STRA8: variants seen among roughly 807,000 people sequenced by gnomAD.
STRA8 encodes stimulated by retinoic acid 8.
A neutral mutation model predicts 37.1 loss-of-function variants in STRA8; 18 were observed. The observed-to-expected ratio is 0.48, with a 90% CI of 0.34 to 0.72. The LOEUF (loss-of-function observed/expected upper bound fraction) is 0.72. STRA8 is among the 30% of genes least tolerant of loss of function. The pLI, the probability that STRA8 is intolerant of heterozygous loss-of-function variation, is 0.01. For synonymous variants in STRA8, 168 were observed against 162.9 expected, an observed-to-expected ratio of 1.03 and a Z score of -0.24; for missense variants, 357 against 410.4, an observed-to-expected ratio of 0.87 and a Z score of 1.13.
rs75880859 is a variant in STRA8, at chr7:135,242,906, G to C, written c.268+50G>C. ...CCATCTCCCTCCCTGGAGAAAACTGGATCTGTTTTTCTATTGAAAACAGAA... is the reference window on the plus strand; with the variant it reads ...CCATCTCCCTCCCTGGAGAAAACTGCATCTGTTTTTCTATTGAAAACAGAA... On this transcript the variant is annotated intron_variant, in intron 3 of 8. Coordinates refer to ENST00000662584, the MANE Select transcript of STRA8 (RefSeq NM_001394401.1). The C allele has an allele frequency of 7.1e-5, 112 of 1,578,658 alleles. No individual in the cohort carries two copies. In the East Asian group the frequency reaches 2.2e-3, roughly 32 times the overall value.
At chr7:135,255,082 AT>A in intron 7 of STRA8, 31 bp from the exon 8 acceptor site, 1 of 1,544,012 alleles carries the variant, frequency 6.5e-7, no homozygotes, top group East Asian at 2.2e-5. Context: ...GATCCTGAAT[AT>A]TTGTTGCCTT....
chr7:135,258,336 G>A (rs375898114), intron 8 of STRA8, 82 bp from the exon 9 acceptor site: 42 of 1,153,390 alleles, frequency 3.6e-5, no homozygotes, highest in Non-Finnish European at 4.8e-5. Flanking sequence ...TGGGCACACC[G>A]GAGATGCAGG....
chr7:135,252,211 T>G (rs1405243244), intron 7 of STRA8, among the ~76,000 whole-genome samples: 1 of 152,112 alleles, frequency 6.6e-6, no homozygotes, highest in Non-Finnish European at 1.5e-5. Context: ...GAGGCATGGC[T>G]GGGGAAACTT....
chr7:135,251,973 A>C, intron 7 of STRA8, 104 bp downstream of exon 7: 1 of 840,078 alleles, frequency 1.2e-6, no homozygotes, highest in Non-Finnish European at 1.8e-6. Flanking sequence ...TGAATGTGGT[A>C]AGTCAGAGAC....
rs1457128949 is a variant in STRA8 at position 135,240,553 on chromosome 7, C to T, written c.29C>T (p.Pro10Leu). 3.1e-6 allele frequency: 5 copies of T among 1,614,176 alleles called. No homozygotes were observed. The highest frequency in any genetic ancestry group is 4.2e-6 in the Non-Finnish European group (5 of 1,180,030). Residue 10 changes from proline to leucine, a missense_variant, in exon 2 of 9, where the codon CCC (proline) becomes CTC (leucine). Transcript: ENST00000662584. The part of the protein sequence containing the change: MATPEENSN[P>L]HDRATPQLPA... ...GCAACCCCTGAAGAAAACAGCAATCCCCATGACAGAGCAACACCCCAGCTG... is the reference window on the plus strand; with the variant it reads ...GCAACCCCTGAAGAAAACAGCAATCTCCATGACAGAGCAACACCCCAGCTG...
chr7:135,256,641 CA>C (rs1562975120), intron 8 of STRA8, among the ~76,000 whole-genome samples: 2 of 152,062 alleles, frequency 1.3e-5, no homozygotes, highest in Non-Finnish European at 2.9e-5. Flanking sequence ...CTCACCACTA[CA>C]AAAAATATAA....
Position 135,246,391 on chromosome 7 carries a change from G to A in STRA8, c.594-26G>A, listed in dbSNP as rs1319115338. 1.3e-6 allele frequency: 2 copies of A among 1,584,210 alleles called. No individual in the cohort carries two copies. The highest frequency in any genetic ancestry group is 2.3e-5 in the East Asian group (1 of 43,658). On this transcript the variant is annotated intron_variant, in intron 5 of 8. Coordinates refer to ENST00000662584, the MANE Select transcript of STRA8 (RefSeq NM_001394401.1). The surrounding 1 kb of genome is among the most constrained non-coding windows in gnomAD (Gnocchi z 5.4). ...CGCTTCGAGAGGGAGCTTTAGGGGT[G>A]CGAGACGGCGCCGCTTCTGTTCCAG...
At chr7:135,243,272 T>C (rs757689308) in intron 3 of STRA8, 54 bp from the exon 4 acceptor site, 7 of 1,596,524 alleles carry the variant, frequency 4.4e-6, no homozygotes, top group Non-Finnish European at 6.0e-6. Flanking sequence ...TGGGAGAGAC[T>C]CAACAGAGGC....
chr7:135,236,323 TC>T (rs1244789584), intron 1 of STRA8, among the ~76,000 whole-genome samples: 1 of 151,824 alleles, frequency 6.6e-6, no homozygotes, highest in Non-Finnish European at 1.5e-5. Context: ...ATTTCTTGCC[TC>T]ATCCAAAATC....
chr7:135,244,065 G>A (rs1832509526), intron 4 of STRA8, among the ~76,000 whole-genome samples: 1 of 152,082 alleles, frequency 6.6e-6, no homozygotes, highest in Non-Finnish European at 1.5e-5. Flanking sequence ...GGTTTGGTTT[G>A]GTTTGTTTTT....
At chr7:135,249,106 T>A (rs781265977) in intron 6 of STRA8, among the ~76,000 whole-genome samples, 1 of 152,124 alleles carries the variant, frequency 6.6e-6, no homozygotes, top group Non-Finnish European at 1.5e-5. Context: ...ATGGGCTACA[T>A]AAAGATGTTT....
intron 8 of STRA8, among the ~76,000 whole-genome samples, chr7:135,256,519 G>C (rs1046237946): frequency 2.0e-5 from 3 of 152,166 alleles, no homozygotes; most frequent in Admixed American, 6.5e-5. Context: ...CAAAGCAAAG[G>C]TATGGCCGGG....
At chr7:135,252,167 G>T (rs1832647103) in intron 7 of STRA8, among the ~76,000 whole-genome samples, 1 of 152,044 alleles carries the variant, frequency 6.6e-6, no homozygotes, top group South Asian at 2.1e-4. Context: ...AAGAAAAGAG[G>T]TTTAAGTGAC....
chr7:135,232,619 G>C (rs1477084649), upstream of STRA8, among the ~76,000 whole-genome samples: 1 of 151,658 alleles, frequency 6.6e-6, no homozygotes, highest in Non-Finnish European at 1.5e-5. Flanking sequence ...ACGAGAACCT[G>C]TCTCAGGAAA....
At chr7:135,242,377 C>T (rs1585471184) in intron 2 of STRA8, among the ~76,000 whole-genome samples, 1 of 152,290 alleles carries the variant, frequency 6.6e-6, no homozygotes, top group East Asian at 1.9e-4. Flanking sequence ...TATTAACTAG[C>T]CCTTTGCACA....
intron 7 of STRA8, among the ~76,000 whole-genome samples, chr7:135,252,091 G>T (rs1353318658): frequency 6.6e-6 from 1 of 151,380 alleles, no homozygotes; most frequent in African/African-American, 2.4e-5. Context: ...GCAGTCCCTA[G>T]ATGGGTGTTG....
At chr7:135,250,997 T>A (rs1832627475) in intron 6 of STRA8, among the ~76,000 whole-genome samples, 1 of 152,206 alleles carries the variant, frequency 6.6e-6, no homozygotes, top group South Asian at 2.1e-4. Context: ...GGGAAGTGAC[T>A]GGAGAGAATT....
At chr7:135,242,474 T>G (rs561152647) in intron 2 of STRA8, among the ~76,000 whole-genome samples, 3 of 152,216 alleles carry the variant, frequency 2.0e-5, no homozygotes, top group Non-Finnish European at 4.4e-5. Flanking sequence ...CATCACTCCT[T>G]ATTCCACCTT....
In STRA8 at chr7:135,246,814, G is replaced by A; in HGVS notation, c.879+112G>A. 1.7e-6 allele frequency: 2 copies of A among 1,147,728 alleles called. No individual in the cohort carries two copies. The highest frequency in any genetic ancestry group is 3.5e-5 in the South Asian group (2 of 57,196). 71.1% of individuals were successfully genotyped at this position (1,147,728 alleles called of 1,614,324 possible). On this transcript the variant is annotated intron_variant, in intron 6 of 8. Coordinates refer to ENST00000662584, the MANE Select transcript of STRA8 (RefSeq NM_001394401.1). The surrounding 1 kb of genome is among the most constrained non-coding windows in gnomAD (Gnocchi z 5.4). ...GGTTGGAGGTGCAGTTTGCCTTCTG[G>A]CTCCCAAGGTCGGTTTCTGATTTTC...
Sources: gnomAD v4.1 joint callset for allele counts (sites outside exome capture counted in the v4.1 genomes callset) on GRCh38, gnomAD v4.1.1 for gene constraint, Gnocchi (gnomAD v3.1) non-coding constraint, MANE v1.5 for transcripts, NCBI Gene and HGNC (gene_info 2026-07-23, HGNC 2026-07-21) for gene names.